The following GNAL variants were observed in gnomAD, a reference collection of about 807,000 sequenced individuals.
The protein encoded by GNAL is G protein subunit alpha L.
In GNAL, 18 loss-of-function variants were observed where a neutral mutation model predicts 55.1. The ratio of observed to expected loss-of-function variants is 0.33; its 90% confidence interval spans 0.23 to 0.48. The LOEUF is 0.48. GNAL is among the 20% of genes least tolerant of loss of function. The pLI is 0.99. For synonymous variants in GNAL, 253 were observed against 237.0 expected (o/e 1.07, Z -0.62); for missense variants, 412 against 614.1 (o/e 0.67, Z 3.48).
intron 1 of GNAL, among the ~76,000 whole-genome samples, chr18:11,712,899 C>T (rs2143369665): frequency 6.6e-6 from 1 of 152,278 alleles, no homozygotes; most frequent in Middle Eastern, 3.4e-3. Flanking sequence ...CCTGAAACTC[C>T]CTCGTGGGCA....
chr18:11,770,020 G>C (rs2033584386), intron 4 of GNAL, among the ~76,000 whole-genome samples: 1 of 152,254 alleles, frequency 6.6e-6, no homozygotes, highest in Admixed American at 6.5e-5. Context: ...ATCATAGGAA[G>C]GGAAAATGTT....
At chr18:11,837,145 C>A (rs920158052) in intron 5 of GNAL, among the ~76,000 whole-genome samples, 5 of 152,172 alleles carry the variant, frequency 3.3e-5, no homozygotes, top group Non-Finnish European at 7.4e-5. Flanking sequence ...GACATGCCAC[C>A]ACGCCCAGTT....
In GNAL at chr18:11,884,244, G is replaced by A. The variant is rs2036846441; in HGVS notation, c.*3109G>A. On this transcript the variant is annotated 3_prime_UTR_variant, in exon 12 of 12. Coordinates refer to ENST00000334049, the MANE Select transcript of GNAL (RefSeq NM_182978.4). Reference sequence around the variant, plus strand: ...ATAAAAATGAGAAAACAGATTTGTTGTAGAGTACCTGTCCACTTTTATAGC... The same window carrying A: ...ATAAAAATGAGAAAACAGATTTGTTATAGAGTACCTGTCCACTTTTATAGC... The A allele has an allele frequency of 3.6e-6, 2 of 560,652 alleles. No individual in the cohort carries two copies. Among genetic ancestry groups the A allele is most frequent in the South Asian group, 4.7e-5 (2 of 42,690 alleles). 34.7% of individuals were successfully genotyped at this position (560,652 alleles called of 1,614,324 possible). A position where few individuals can be genotyped will look rare whatever the true frequency, so the allele number is the denominator to read the frequency against.
chr18:11,880,889 C>T (rs1015286707), intron 11 of GNAL, 100 bp from the exon 12 acceptor site: 17 of 1,263,798 alleles, frequency 1.3e-5, no homozygotes, highest in Middle Eastern at 2.5e-4. Flanking sequence ...AAGCAGGCCA[C>T]TGTCACCAAA....
At chr18:11,706,867 A>C (rs2031725582) in intron 1 of GNAL, among the ~76,000 whole-genome samples, 1 of 152,206 alleles carries the variant, frequency 6.6e-6, no homozygotes, top group Admixed American at 6.5e-5. Flanking sequence ...TTCCTTTACT[A>C]AAGTCTTGAA....
In GNAL at chr18:11,689,661, C is replaced by A; in HGVS notation, c.98C>A (p.Ala33Asp). 7.0e-7 allele frequency: 1 copy of A among 1,420,020 alleles called. No individual in the cohort carries two copies. The allele number at this position is 1,420,020 out of a possible 1,614,324, so 88.0% of individuals were successfully genotyped here. The stretch of plus-strand genomic sequence containing the variant: ...CCGCCGGTGGAGGACGCGCAGCCCG[C>A]CCCGGCCCCGGCCCTGGCCCCAGTC... ...SEPPVEDAQP[A>D]PAPALAPVRA... The change falls in exon 1 of 12, where the codon GCC becomes GAC. Residue 33 changes from alanine to aspartate, a missense_variant. By Grantham distance (126) the Ala-to-Asp change is moderately radical. This residue lies in a region of GNAL where 228 missense variants were observed against 194.8 expected (regional missense o/e 1.17). Coordinates refer to ENST00000334049, the MANE Select transcript of GNAL (RefSeq NM_182978.4).
chr18:11,796,598 A>AAAAAAAAAAAG, intron 4 of GNAL, among the ~76,000 whole-genome samples: 1 of 149,240 alleles, frequency 6.7e-6, no homozygotes, highest in Non-Finnish European at 1.5e-5. Flanking sequence ...AAAAAAAACA[A>AAAAAAAAAAAG]AACACGCAAC....
intron 5 of GNAL, among the ~76,000 whole-genome samples, chr18:11,836,268 G>T (rs1375669076): frequency 6.6e-6 from 1 of 152,038 alleles, no homozygotes; most frequent in African/African-American, 2.4e-5. Flanking sequence ...CCAACATAGA[G>T]AAACCCTGTC....
chr18:11,692,926 C>A (rs1229423885), intron 1 of GNAL, among the ~76,000 whole-genome samples: 1 of 152,108 alleles, frequency 6.6e-6, no homozygotes. Flanking sequence ...GGATTACAGG[C>A]ATGAGCCACC....
intron 4 of GNAL, among the ~76,000 whole-genome samples, chr18:11,757,846 A>G (rs536240311): frequency 6.6e-6 from 1 of 152,112 alleles, no homozygotes; most frequent in Admixed American, 6.5e-5. Flanking sequence ...GATGGACATT[A>G]AGGTTAAAAT....
At chr18:11,819,165 A>G (rs570684725) in intron 4 of GNAL, among the ~76,000 whole-genome samples, 1 of 152,264 alleles carries the variant, frequency 6.6e-6, no homozygotes, top group South Asian at 2.1e-4. Context: ...TAGCACAGAA[A>G]TTATGCAAGA....
At chr18:11,815,350 T>C (rs1282643191) in intron 4 of GNAL, among the ~76,000 whole-genome samples, 1 of 96,946 alleles carries the variant, frequency 1.0e-5, no homozygotes, top group Non-Finnish European at 2.7e-5. Flanking sequence ...AGAAAAGAGG[T>C]TTAATTGACT....
intron 1 of GNAL, among the ~76,000 whole-genome samples, chr18:11,713,466 G>T (rs1029814800): frequency 6.6e-6 from 1 of 152,198 alleles, no homozygotes; most frequent in African/African-American, 2.4e-5. Context: ...TAGTCAAGTT[G>T]TGGCCATTTG....
chr18:11,876,406 T>C (rs895280674), intron 10 of GNAL, among the ~76,000 whole-genome samples: 1 of 149,540 alleles, frequency 6.7e-6, no homozygotes, highest in Admixed American at 6.6e-5. Flanking sequence ...GAGGTTGCAG[T>C]GAGCCGAGAT....
chr18:11,761,990 C>G (rs577662496), intron 4 of GNAL, among the ~76,000 whole-genome samples: 1 of 152,300 alleles, frequency 6.6e-6, no homozygotes, highest in African/African-American at 2.4e-5. Context: ...CGTATTGATT[C>G]TATAGGGCCT....
chr18:11,714,489 C>T (rs771909861), intron 1 of GNAL, among the ~76,000 whole-genome samples: 3 of 152,134 alleles, frequency 2.0e-5, no homozygotes, highest in Non-Finnish European at 4.4e-5. Flanking sequence ...GTTTGTCTCA[C>T]GCTCAGTAAA....
At chr18:11,803,787 TACTG>T (rs1432330964) in intron 4 of GNAL, among the ~76,000 whole-genome samples, 2 of 151,356 alleles carry the variant, frequency 1.3e-5, no homozygotes, top group Non-Finnish European at 2.9e-5. Context: ...AACACGGAGA[TACTG>T]TGTAGTGGTG....
chr18:11,733,630 G>A lies in GNAL; in HGVS notation c.377-19223G>A, dbSNP rs539032172. Among the ~76,000 whole-genome samples the A allele has an allele frequency of 5.3e-5, 8 of 152,258 alleles. No homozygotes were observed. In the South Asian group the frequency reaches 1.7e-3, roughly 32 times the overall value. On this transcript the variant is annotated intron_variant, in intron 1 of 11. Transcript: ENST00000334049. ...AAGAGTAAAATCATGTCTTCTTGAG[G>A]GTAATTCTCTAAGTGAAATAACTCA...
Position 11,751,118 on chromosome 18 carries a change from G to C in GNAL, c.377-1735G>C, listed in dbSNP as rs1429914444. On this transcript the variant is annotated intron_variant, in intron 1 of 11. Coordinates refer to ENST00000334049, the MANE Select transcript of GNAL (RefSeq NM_182978.4). The surrounding 1 kb of genome is among the most constrained non-coding windows in gnomAD (Gnocchi z 4.5). ...GAGCAAAGGCAAGTTAGACAGCGCA[G>C]CGCCAAGCCCGAGACGGTCAACTGG... Among the ~76,000 whole-genome samples the C allele has an allele frequency of 6.6e-6, 1 of 152,154 alleles. No homozygotes were observed. Among genetic ancestry groups the C allele is most frequent in the East Asian group, 1.9e-4 (1 of 5,188 alleles).
Sources: allele counts gnomAD v4.1 joint callset (sites outside exome capture counted in the v4.1 genomes callset), GRCh38; gene constraint gnomAD v4.1.1; regional missense constraint gnomAD v4.1.1; non-coding constraint Gnocchi (gnomAD v3.1); transcripts MANE v1.5; gene names NCBI Gene and HGNC (gene_info 2026-07-23, HGNC 2026-07-21).